TRPM7: variants seen among roughly 807,000 people sequenced by gnomAD.
TRPM7 encodes transient receptor potential cation channel subfamily M member 7.
TRPM7 carries 134 observed loss-of-function variants against 229.7 expected under a neutral mutation model. That is an observed-to-expected ratio of 0.58 (90% CI 0.51 to 0.67). The LOEUF (loss-of-function observed/expected upper bound fraction) is 0.67, where lower values mean the gene tolerates loss of function less well. Ranked by LOEUF, TRPM7 falls within the 30% of genes least tolerant of loss-of-function variation. The probability of loss-of-function intolerance (pLI) is 0.00; values close to 1 mark genes in which losing one functional copy is unlikely to be tolerated. For missense variants in TRPM7, 1,901 were observed against 2,210.0 expected (o/e 0.86, Z 2.80); for synonymous variants, 699 against 715.2 (o/e 0.98, Z 0.36).
At chr15:50,670,804 G>GAAAAAGAAAAAAAAAA (rs2061970168) in intron 1 of TRPM7, among the ~76,000 whole-genome samples, 2 of 75,976 alleles carry the variant, frequency 2.6e-5, no homozygotes, top group East Asian at 3.3e-4. Context: ...GTAAAAAAAA[G>GAAAAAGAAAAAAAAAA]AAAAAGAAAA....
intron 21 of TRPM7, 58 bp from the exon 22 acceptor site, chr15:50,599,354 T>C (rs1025308666): frequency 2.4e-6 from 3 of 1,272,390 alleles, no homozygotes; most frequent in Non-Finnish European, 3.2e-6. Context: ...TGACAAATCT[T>C]TCTAAAAGCT....
chr15:50,609,877 G>T lies in TRPM7; in HGVS notation c.2365C>A (p.Gln789Lys), dbSNP rs1358835212. 1 of 1,613,040 alleles carries T rather than the reference G, an allele frequency of 6.2e-7. No homozygotes were observed. The highest frequency in any genetic ancestry group is 8.5e-7 in the Non-Finnish European group (1 of 1,179,460). ...KAEMSHIPQS[Q>K]DAHQMTMDDS... ...TCCATTGTCATCTGATGAGCATCTT[G>T]AGATTGTGGGATATGGGACATTTCA... The change falls in exon 18 of 39, where the codon CAA becomes AAA. Residue 789 changes from glutamine (Q) to lysine (K), a missense_variant. Gln to Lys is a moderately conservative substitution (Grantham distance 53). This residue lies in a region of TRPM7 where 207 missense variants were observed against 241.5 expected (regional missense o/e 0.86). Coordinates refer to ENST00000646667, the MANE Select transcript of TRPM7 (RefSeq NM_017672.6).
At chr15:50,604,660 C>T in intron 21 of TRPM7, 1 of 425,596 alleles carries the variant, frequency 2.3e-6, no homozygotes, top group Non-Finnish European at 4.2e-6. Flanking sequence ...GTATAGCTAA[C>T]ATTATCTTGC....
intron 2 of TRPM7, among the ~76,000 whole-genome samples, chr15:50,662,474 A>C (rs973437317): frequency 6.6e-6 from 1 of 152,182 alleles, no homozygotes; most frequent in Non-Finnish European, 1.5e-5. Context: ...AGACACAGAC[A>C]CCTATAGTCT....
rs543889074 is a variant in TRPM7, at chr15:50,611,068, A to G, written c.2280+25T>C. The G allele has an allele frequency of 4.6e-6, 7 of 1,538,148 alleles. No individual in the cohort carries two copies. The African/African-American group carries it at 6.8e-5, about 15-fold the overall frequency. ...TTCTTTTTATCTAATCACATGCTTT[A>G]TATCAAATTATTTCTAAAGTATACC... On this transcript the variant is annotated intron_variant, in intron 17 of 38. Transcript: ENST00000646667.
chr15:50,667,837 A>G (rs1486047683), intron 1 of TRPM7, among the ~76,000 whole-genome samples: 2 of 152,242 alleles, frequency 1.3e-5, no homozygotes, highest in Non-Finnish European at 2.9e-5. Context: ...TGGCTTATTG[A>G]CATAAAAATC....
In TRPM7 at chr15:50,639,443, T is replaced by A. The variant is rs2061020729; in HGVS notation, c.641A>T (p.Asn214Ile). Residue 214 changes from asparagine to isoleucine, a missense_variant, in exon 6 of 39, where the codon AAT (asparagine) becomes ATT (isoleucine). Physicochemically the swap from Asn to Ile is moderately radical, Grantham distance 149 (BLOSUM62 -3). Coordinates refer to ENST00000646667, the MANE Select transcript of TRPM7 (RefSeq NM_017672.6). Reference sequence around the variant, plus strand: ...TCTTACATCTCTCCCAACAAGATCATTTCTGTTTTCAATCACTCCCCATGG... The same window carrying A: ...TCTTACATCTCTCCCAACAAGATCAATTCTGTTTTCAATCACTCCCCATGG... ...IAPWGVIENR[N>I]DLVGRDVVAP... 1 of 1,602,074 alleles carries A rather than the reference T, an allele frequency of 6.2e-7. No individual in the cohort carries two copies. Among genetic ancestry groups the A allele is most frequent in the Admixed American group, 1.7e-5 (1 of 59,528 alleles).
intron 1 of TRPM7, among the ~76,000 whole-genome samples, chr15:50,671,503 C>T (rs75558051): frequency 0.014 from 2,117 of 152,208 alleles, 42 homozygotes; most frequent in Non-Finnish European, 0.017. Context: ...TATAATGGAC[C>T]TGAAAAATTC....
intron 17 of TRPM7, 92 bp from the exon 18 acceptor site, chr15:50,610,053 T>G (rs2140466851): frequency 9.9e-7 from 1 of 1,008,308 alleles, no homozygotes. Flanking sequence ...CAATAAAAGA[T>G]TTTAAATATC....
intron 28 of TRPM7, 37 bp downstream of exon 28, chr15:50,586,355 T>C (rs764434265): frequency 7.6e-7 from 1 of 1,312,630 alleles, no homozygotes; most frequent in African/African-American, 1.4e-5. Context: ...TAAATGAGTA[T>C]GTTTTCTGAC....
At chr15:50,658,114 C>T (rs567337972) in intron 2 of TRPM7, among the ~76,000 whole-genome samples, 2 of 151,748 alleles carry the variant, frequency 1.3e-5, no homozygotes, top group East Asian at 3.9e-4. Context: ...ACACCACTCT[C>T]CTGCCTCAGC....
At chr15:50,643,275 G>A (rs1596289830) in intron 5 of TRPM7, 65 bp downstream of exon 5, 3 of 1,340,638 alleles carry the variant, frequency 2.2e-6, no homozygotes, top group East Asian at 4.6e-5. Flanking sequence ...GCAACAGAGT[G>A]AGAGTCCGTC....
chr15:50,558,807 T>G lies in TRPM7; in HGVS notation c.*2871A>C, dbSNP rs2053211017. The stretch of plus-strand genomic sequence containing the variant: ...AATCAAGAGGCAGTGGCAGGAGGAT[T>G]GCTTGAGCCCAGGAGTTTACGGCTG... On this transcript the variant is annotated 3_prime_UTR_variant, in exon 39 of 39. Transcript: ENST00000646667. 1 of 151,982 alleles carries G rather than the reference T, an allele frequency of 6.6e-6. No individual in the cohort carries two copies. The highest frequency in any genetic ancestry group is 1.5e-5 in the Non-Finnish European group (1 of 68,028). 9.4% of individuals were successfully genotyped at this position (151,982 alleles called of 1,614,324 possible).
In TRPM7 at chr15:50,588,248, C is replaced by T. The variant is rs562620542; in HGVS notation, c.4389+1344G>A. 3 of 984,824 alleles carry T rather than the reference C, an allele frequency of 3.0e-6. No individual in the cohort carries two copies. In the African/African-American group the frequency reaches 5.2e-5, roughly 17 times the overall value. The allele number at this position is 984,824 out of a possible 1,614,324, so 61.0% of individuals were successfully genotyped here. ...TCACATTTCTTACATCATTCTGCTG[C>T]TCCTATTTGAGGTAAGAAAATTATG... On this transcript the variant is annotated intron_variant, in intron 27 of 38. Coordinates refer to ENST00000646667, the MANE Select transcript of TRPM7 (RefSeq NM_017672.6).
chr15:50,648,776 A>T lies in TRPM7; in HGVS notation c.232T>A (p.Trp78Arg), dbSNP rs1354080820. Residue 78 changes from tryptophan to arginine, a missense_variant, in exon 4 of 39, where the codon TGG (tryptophan) becomes AGG (arginine). Coordinates refer to ENST00000646667, the MANE Select transcript of TRPM7 (RefSeq NM_017672.6). ...GDHFNQAIEE[W>R]SVEKHTEQSP... ...TGTTCTGTATGCTTTTCCACAGACC[A>T]TTCTTCTATTGCCTGATTAAAATGG... The T allele has an allele frequency of 6.2e-7, 1 of 1,613,570 alleles. No homozygotes were observed. Among genetic ancestry groups the T allele is most frequent in the Non-Finnish European group, 8.5e-7 (1 of 1,179,774 alleles).
intron 5 of TRPM7, among the ~76,000 whole-genome samples, chr15:50,642,126 T>C (rs76501555): frequency 0.03 from 4,522 of 152,258 alleles, 244 homozygotes; most frequent in African/African-American, 0.1. Context: ...AGGGAAGATA[T>C]AGAATAAAAG....
intron 4 of TRPM7, among the ~76,000 whole-genome samples, chr15:50,645,094 A>C (rs1446092357): frequency 3.3e-5 from 5 of 152,012 alleles, no homozygotes; most frequent in Non-Finnish European, 1.5e-5. Context: ...TTGTAGACAC[A>C]AGGTTTCACC....
chr15:50,639,543 C>T lies in TRPM7; in HGVS notation c.541G>A (p.Ala181Thr), dbSNP rs929996942. ...TTGAGGGCATCTCCAACATGTTTTG[C>T]CACACCTGTTCATAAAAAAAGTTTA... ...ILTGGVNTGV[A>T]KHVGDALKEH... The change falls in exon 6 of 39, where the codon GCA becomes ACA. Residue 181 changes from alanine to threonine, a missense_variant. By Grantham distance (58) the Ala-to-Thr change is moderately conservative (BLOSUM62 0). This residue lies in a region of TRPM7 where 794 missense variants were observed against 881.9 expected (regional missense o/e 0.90). Transcript: ENST00000646667. 1.1e-5 allele frequency: 17 copies of T among 1,604,694 alleles called. No individual in the cohort carries two copies. Among genetic ancestry groups the T allele is most frequent in the Admixed American group, 3.4e-5 (2 of 58,634 alleles).
intron 11 of TRPM7, among the ~76,000 whole-genome samples, chr15:50,625,637 G>C (rs1484325580): frequency 1.3e-5 from 2 of 152,006 alleles, no homozygotes; most frequent in Non-Finnish European, 2.9e-5. Context: ...CTGGCCTCAA[G>C]TGATCTTCCT....
Sources: allele counts gnomAD v4.1 joint callset (sites outside exome capture counted in the v4.1 genomes callset), GRCh38; gene constraint gnomAD v4.1.1; regional missense constraint gnomAD v4.1.1; transcripts MANE v1.5; gene names NCBI Gene and HGNC (gene_info 2026-07-23, HGNC 2026-07-21).